The following SRPK2 variants were observed in gnomAD, a reference collection of about 807,000 sequenced individuals.
SRPK2 encodes SFRS protein kinase 2.
A neutral mutation model predicts 90.8 loss-of-function variants in SRPK2; 21 were observed. That is an observed-to-expected ratio of 0.23 (90% CI 0.16 to 0.33). The LOEUF is 0.33. SRPK2 is among the 10% of genes least tolerant of loss of function. The pLI is 1.00. For synonymous variants in SRPK2, 288 were observed against 311.1 expected (o/e 0.93, Z 0.78); for missense variants, 620 against 869.0 (o/e 0.71, Z 3.60).
intron 3 of SRPK2, among the ~76,000 whole-genome samples, chr7:105,180,929 A>G (rs1007859721): frequency 6.6e-6 from 1 of 152,258 alleles, no homozygotes; most frequent in Non-Finnish European, 1.5e-5. Flanking sequence ...CTATCAACAG[A>G]GTAAACAACC....
At chr7:105,354,324 G>A (rs567816679) in intron 2 of SRPK2, among the ~76,000 whole-genome samples, 18 of 152,116 alleles carry the variant, frequency 1.2e-4, no homozygotes, top group Non-Finnish European at 2.1e-4. Flanking sequence ...CTGGGTGTGC[G>A]TGGCTCTTGC....
chr7:105,171,992 C>T (rs1050063385), intron 3 of SRPK2, among the ~76,000 whole-genome samples: 10 of 152,176 alleles, frequency 6.6e-5, no homozygotes, highest in African/African-American at 2.4e-4. Flanking sequence ...CTCCTGGGTT[C>T]AAGCCATTCT....
intron 2 of SRPK2, among the ~76,000 whole-genome samples, chr7:105,256,484 T>C (rs1352097248): frequency 1.3e-5 from 2 of 152,184 alleles, no homozygotes; most frequent in Non-Finnish European, 2.9e-5. Flanking sequence ...GCCTCCTGAA[T>C]TGTTGGGACT....
intron 2 of SRPK2, among the ~76,000 whole-genome samples, chr7:105,355,307 G>A (rs547528843): frequency 3.3e-5 from 5 of 151,634 alleles, no homozygotes; most frequent in East Asian, 3.9e-4. Context: ...ACTAGCCTGC[G>A]CAACACGGCA....
At chr7:105,383,087 CAG>C (rs1355178028) in intron 2 of SRPK2, among the ~76,000 whole-genome samples, 7 of 79,384 alleles carry the variant, frequency 8.8e-5, no homozygotes, top group African/African-American at 4.4e-4. Context: ...TTTTTGGAGA[CAG>C]AGTCTCGCTC....
chr7:105,245,028 A>C, intron 2 of SRPK2: 1 of 562,124 alleles, frequency 1.8e-6, no homozygotes. Context: ...AAAACAAAAC[A>C]AAACAAACAC....
intron 2 of SRPK2, among the ~76,000 whole-genome samples, chr7:105,217,020 A>T (rs999945346): frequency 6.6e-6 from 1 of 152,130 alleles, no homozygotes; most frequent in Non-Finnish European, 1.5e-5. Context: ...TGACAATAAA[A>T]CTGTTTATTC....
intron 6 of SRPK2, among the ~76,000 whole-genome samples, chr7:105,163,520 C>A (rs924227963): frequency 1.3e-5 from 2 of 152,104 alleles, no homozygotes; most frequent in African/African-American, 2.4e-5. Context: ...TGCGGCCGGG[C>A]ATGGTGGCTC....
At chr7:105,348,322 C>T (rs1816719532) in intron 2 of SRPK2, among the ~76,000 whole-genome samples, 1 of 151,878 alleles carries the variant, frequency 6.6e-6, no homozygotes, top group South Asian at 2.1e-4. Context: ...CCACCCACCT[C>T]GACTTCCCAA....
chr7:105,285,450 C>A (rs1807966666), intron 2 of SRPK2, among the ~76,000 whole-genome samples: 1 of 146,304 alleles, frequency 6.8e-6, no homozygotes, highest in Non-Finnish European at 1.5e-5. Context: ...AAGCATGAAA[C>A]AGTGCTTGAC....
chr7:105,215,779 T>C (rs937947151), intron 2 of SRPK2, among the ~76,000 whole-genome samples: 12 of 152,146 alleles, frequency 7.9e-5, no homozygotes, highest in African/African-American at 2.2e-4. Flanking sequence ...ATGATTACAA[T>C]AGACAAATCT....
At chr7:105,124,977 C>CA (rs1275253388) in intron 15 of SRPK2, among the ~76,000 whole-genome samples, 1 of 151,474 alleles carries the variant, frequency 6.6e-6, no homozygotes, top group Non-Finnish European at 1.5e-5. Context: ...ACTAAAAATA[C>CA]AAAAATTAGC....
chr7:105,295,028 T>A (rs111636663), intron 2 of SRPK2, among the ~76,000 whole-genome samples: 1 of 151,980 alleles, frequency 6.6e-6, no homozygotes, highest in East Asian at 1.9e-4. Context: ...TTGTCCAACA[T>A]GGCGAAACCC....
At chr7:105,344,406 C>CTTTTTTTTTTTTTTTTTTTTTTTTTTTTT (rs1563264048) in intron 2 of SRPK2, among the ~76,000 whole-genome samples, 1 of 128,612 alleles carries the variant, frequency 7.8e-6, no homozygotes. Flanking sequence ...TGCAGCCACA[C>CTTTTTTTTTTTTTTTTTTTTTTTTTTTTT]CTTTTTTTTT....
At chr7:105,175,012 G>C (rs902413279) in intron 3 of SRPK2, among the ~76,000 whole-genome samples, 1 of 152,070 alleles carries the variant, frequency 6.6e-6, no homozygotes, top group South Asian at 2.1e-4. Context: ...GGGCGTGGTG[G>C]TGCACGCCTG....
chr7:105,285,676 A>G (rs368080855), intron 2 of SRPK2, among the ~76,000 whole-genome samples: 1 of 152,026 alleles, frequency 6.6e-6, no homozygotes, highest in Non-Finnish European at 1.5e-5. Flanking sequence ...TGATTGTTTA[A>G]AAGTATCTGG....
In SRPK2 at chr7:105,132,647, A is replaced by G. The variant is rs1034570066; in HGVS notation, c.1752+144T>C. 6.2e-6 allele frequency: 4 copies of G among 641,106 alleles called. No homozygotes were observed. The African/African-American group carries it at 7.3e-5, about 12-fold the overall frequency. The allele number at this position is 641,106 out of a possible 1,614,324, so 39.7% of individuals were successfully genotyped here. On this transcript the variant is annotated intron_variant, in intron 13 of 15. Coordinates refer to ENST00000393651, the MANE Select transcript of SRPK2 (RefSeq NM_182692.3). ...CACTTCTTAAGATGCCTGCGGCAGCAACCTTCCCCTCACCCAGCCCACGGT... is the reference window on the plus strand; with the variant it reads ...CACTTCTTAAGATGCCTGCGGCAGCGACCTTCCCCTCACCCAGCCCACGGT...
intron 7 of SRPK2, among the ~76,000 whole-genome samples, chr7:105,151,673 A>T (rs1051124159): frequency 2.0e-5 from 3 of 152,082 alleles, no homozygotes; most frequent in African/African-American, 7.2e-5. Flanking sequence ...CAGCCTCCCA[A>T]GTGGCTGGGA....
At chr7:105,327,186 T>C (rs921731581) in intron 2 of SRPK2, among the ~76,000 whole-genome samples, 14 of 152,230 alleles carry the variant, frequency 9.2e-5, no homozygotes, top group African/African-American at 2.9e-4. Flanking sequence ...TTAGAACATA[T>C]GGACCTACAA....
Sources: allele counts gnomAD v4.1 joint callset (sites outside exome capture counted in the v4.1 genomes callset), GRCh38; gene constraint gnomAD v4.1.1; transcripts MANE v1.5; gene names NCBI Gene and HGNC (gene_info 2026-07-23, HGNC 2026-07-21).